The following ZC2HC1B variants were observed in gnomAD, a reference collection of about 807,000 sequenced individuals.
ZC2HC1B encodes the protein zinc finger C2HC domain-containing protein 1B.
A neutral mutation model predicts 31.0 loss-of-function variants in ZC2HC1B; 36 were observed. The observed-to-expected ratio is 1.16, with a 90% CI of 0.89 to 1.54. The LOEUF is 1.54. ZC2HC1B is among the 40% of genes most tolerant of loss of function. ZC2HC1B has a pLI of 0.00. For synonymous variants in ZC2HC1B, 73 were observed against 88.0 expected, an observed-to-expected ratio of 0.83 and a Z score of 0.95; for missense variants, 260 against 268.6, an observed-to-expected ratio of 0.97 and a Z score of 0.22.
chr6:143,924,370 A>G lies in ZC2HC1B; in HGVS notation c.599-13279A>G, dbSNP rs925755462. Among the ~76,000 whole-genome samples, 2 of 151,094 alleles carry G rather than the reference A, an allele frequency of 1.3e-5. No homozygotes were observed. Among genetic ancestry groups the G allele is most frequent in the African/African-American group, 4.9e-5 (2 of 41,196 alleles). On this transcript the variant is annotated intron_variant, in intron 6 of 7. Transcript: ENST00000237275. The surrounding 1 kb of genome is among the most constrained non-coding windows in gnomAD (Gnocchi z 5.2). ...GGTTTTATATATATATATATGTATT[A>G]CATATATATATCCATGTATATATAA...
chr6:143,936,502 A>C (rs10484817), intron 6 of ZC2HC1B, among the ~76,000 whole-genome samples: 5,247 of 152,324 alleles, frequency 0.034, 118 homozygotes, highest in South Asian at 0.11. Flanking sequence ...TCGCATTCCT[A>C]AAAGATTCTA....
In ZC2HC1B at chr6:143,895,547, T is replaced by G. The variant is rs1194468076; in HGVS notation, c.350-3005T>G. Reference sequence around the variant, plus strand: ...TGAATGTGCCAGTAATTTCCCTTTTTTCCTCAGCATGATTCCCTATTTTCA... The same window carrying G: ...TGAATGTGCCAGTAATTTCCCTTTTGTCCTCAGCATGATTCCCTATTTTCA... On this transcript the variant is annotated intron_variant, in intron 4 of 7. Transcript: ENST00000237275. This position sits in a 1 kb window ranked among gnomAD's most constrained non-coding sequence, Gnocchi z 4.8. Among the ~76,000 whole-genome samples, 1 of 152,214 alleles carries G rather than the reference T, an allele frequency of 6.6e-6. No individual in the cohort carries two copies. The highest frequency in any genetic ancestry group is 2.4e-5 in the African/African-American group (1 of 41,460).
chr6:143,926,828 C>CTTT (rs774028763), intron 6 of ZC2HC1B, among the ~76,000 whole-genome samples: 32 of 78,822 alleles, frequency 4.1e-4, no homozygotes, highest in Non-Finnish European at 5.4e-4. Context: ...ATTGTATCTT[C>CTTT]TTTTTTTTTT....
chr6:143,909,451 GA>G (rs1223518482), intron 6 of ZC2HC1B, among the ~76,000 whole-genome samples: 1 of 150,794 alleles, frequency 6.6e-6, no homozygotes, highest in African/African-American at 2.4e-5. Context: ...CAATTTTTTG[GA>G]ATAGTTTCAG....
chr6:143,877,475 G>C (rs1415256159), intron 1 of ZC2HC1B, among the ~76,000 whole-genome samples: 1 of 148,146 alleles, frequency 6.8e-6, no homozygotes, highest in Non-Finnish European at 1.5e-5. Flanking sequence ...TAGAGACAGG[G>C]TTTCTCCATG....
At chr6:143,909,641 G>T (rs968518719) in intron 6 of ZC2HC1B, among the ~76,000 whole-genome samples, 27 of 151,642 alleles carry the variant, frequency 1.8e-4, no homozygotes, top group Admixed American at 1.8e-3. Context: ...GTCTTGGGAG[G>T]ATGTATGTGT....
chr6:143,900,181 G>A (rs1469706318), intron 5 of ZC2HC1B, among the ~76,000 whole-genome samples: 3 of 152,178 alleles, frequency 2.0e-5, no homozygotes, highest in South Asian at 4.2e-4. Context: ...CCTGAGGTAG[G>A]GAGTTTGAGA....
Position 143,913,977 on chromosome 6 carries a change from C to T in ZC2HC1B, c.598+10825C>T, listed in dbSNP as rs951819438. Reference sequence around the variant, plus strand: ...GCTGTGGACCACAGCTGCTTCTAATCGGCCATCTTGGCCCCTCTCCCAATG... The same window carrying T: ...GCTGTGGACCACAGCTGCTTCTAATTGGCCATCTTGGCCCCTCTCCCAATG... On this transcript the variant is annotated intron_variant, in intron 6 of 7. Coordinates refer to ENST00000237275, the MANE Select transcript of ZC2HC1B (RefSeq NM_001013623.3). This position sits in a 1 kb window ranked among gnomAD's most constrained non-coding sequence, Gnocchi z 5.7. 1.3e-5 allele frequency among the ~76,000 whole-genome samples: 2 copies of T among 152,222 alleles called. No homozygotes were observed. The highest frequency in any genetic ancestry group is 2.4e-5 in the African/African-American group (1 of 41,460).
At chr6:143,882,333 T>TA (rs61614105) in intron 1 of ZC2HC1B, among the ~76,000 whole-genome samples, 9,463 of 98,868 alleles carry the variant, frequency 0.096, 415 homozygotes, top group South Asian at 0.13. Context: ...TTTTATATTT[T>TA]TTATATATAT....
At chr6:143,914,402 T>G (rs1489757252) in intron 6 of ZC2HC1B, among the ~76,000 whole-genome samples, 1 of 152,234 alleles carries the variant, frequency 6.6e-6, no homozygotes, top group East Asian at 1.9e-4. Flanking sequence ...ATAGTTTTAT[T>G]TCTGCTTTAT....
At position 143,899,774 on chromosome 6, in the gene ZC2HC1B, G is replaced by A. The variant is rs567993308; in HGVS notation, c.489+1083G>A. Among the ~76,000 whole-genome samples, 253 of 152,326 alleles carry A rather than the reference G, an allele frequency of 1.7e-3. 1 individual carries two copies. Among genetic ancestry groups the A allele is most frequent in the African/African-American group, 4.4e-3 (183 of 41,572 alleles). ...ATCCCACAGACTGTGGATCCTGAGC[G>A]CTATCCCCTTAAGCATTAGAAGGTT... On this transcript the variant is annotated intron_variant, in intron 5 of 7. Transcript: ENST00000237275. The surrounding 1 kb of genome is among the most constrained non-coding windows in gnomAD (Gnocchi z 5.0).
rs1165269569 is a variant in ZC2HC1B at position 143,868,893 on chromosome 6, AAGT to A, written c.28+4328_28+4330del. The stretch of plus-strand genomic sequence containing the variant: ...ATCTTATGTCACATGATGAAGGAAA[AAGT>A]AAATAAAATGAAGATATCTTCTTAG... On this transcript the variant is annotated intron_variant, in intron 1 of 7. Transcript: ENST00000237275. The surrounding 1 kb of genome is among the most constrained non-coding windows in gnomAD (Gnocchi z 4.2). Among the ~76,000 whole-genome samples, 1 of 152,240 alleles carries A rather than the reference AAGT, an allele frequency of 6.6e-6. No homozygotes were observed. The highest frequency in any genetic ancestry group is 6.5e-5 in the Admixed American group (1 of 15,288).
chr6:143,900,591 G>A (rs1777725980), intron 5 of ZC2HC1B, among the ~76,000 whole-genome samples: 2 of 151,544 alleles, frequency 1.3e-5, no homozygotes, highest in Admixed American at 1.3e-4. Flanking sequence ...TGATTAACAG[G>A]TCCTTGAATG....
chr6:143,912,376 T>G (rs1283881235), intron 6 of ZC2HC1B, among the ~76,000 whole-genome samples: 1 of 152,240 alleles, frequency 6.6e-6, no homozygotes, highest in Non-Finnish European at 1.5e-5. Flanking sequence ...GTTTTTGCAT[T>G]GCTTCTTTCT....
intron 4 of ZC2HC1B, among the ~76,000 whole-genome samples, chr6:143,890,411 A>C (rs1055430825): frequency 4.6e-5 from 7 of 151,822 alleles, no homozygotes; most frequent in African/African-American, 1.7e-4. Flanking sequence ...AAAAAAAAAA[A>C]AAAACTTCTC....
chr6:143,884,395 T>C lies in ZC2HC1B; in HGVS notation c.90+30T>C. 1.3e-6 allele frequency: 2 copies of C among 1,519,116 alleles called. No individual in the cohort carries two copies. The highest frequency in any genetic ancestry group is 1.8e-6 in the Non-Finnish European group (2 of 1,122,256). 94.1% of individuals were successfully genotyped at this position (1,519,116 alleles called of 1,614,324 possible). A position where few individuals can be genotyped will look rare whatever the true frequency, so the allele number is the denominator to read the frequency against. On this transcript the variant is annotated intron_variant, in intron 2 of 7. Transcript: ENST00000237275. This position sits in a 1 kb window ranked among gnomAD's most constrained non-coding sequence, Gnocchi z 5.1. ...ACATAAAGACATTTTGTAGATGTGT[T>C]TCATTGGACTTAAATGAACTGTCAA...
At position 143,883,078 on chromosome 6, in the gene ZC2HC1B, C is replaced by G. The variant is rs1308116794; in HGVS notation, c.29-1226C>G. ...TGGGGGAGACAGGATCTTGCTCTGT[C>G]TCCCAGGCTGGAGTGCAGTGTTATG... On this transcript the variant is annotated intron_variant, in intron 1 of 7. Coordinates refer to ENST00000237275, the MANE Select transcript of ZC2HC1B (RefSeq NM_001013623.3). The surrounding 1 kb of genome is among the most constrained non-coding windows in gnomAD (Gnocchi z 4.1). Among the ~76,000 whole-genome samples the G allele has an allele frequency of 1.3e-5, 2 of 152,174 alleles. No individual in the cohort carries two copies. The highest frequency in any genetic ancestry group is 2.9e-5 in the Non-Finnish European group (2 of 68,032).
In ZC2HC1B at chr6:143,923,516, A is replaced by AT. The variant is rs1276027913; in HGVS notation, c.599-14127dup. On this transcript the variant is annotated intron_variant, in intron 6 of 7. Transcript: ENST00000237275. This position sits in a 1 kb window ranked among gnomAD's most constrained non-coding sequence, Gnocchi z 4.8. ...TGTGCTTTTGAAGTCATGGCCACAA[A>AT]TTTTTTGCCTAGACCAATGTCTGAG... 6.6e-6 allele frequency among the ~76,000 whole-genome samples: 1 copy of AT among 151,992 alleles called. No homozygotes were observed. The highest frequency in any genetic ancestry group is 1.5e-5 in the Non-Finnish European group (1 of 67,932).
intron 1 of ZC2HC1B, among the ~76,000 whole-genome samples, chr6:143,866,123 T>C (rs905533769): frequency 2.0e-5 from 3 of 152,204 alleles, no homozygotes; most frequent in Admixed American, 1.3e-4. Context: ...GCCCACCTAT[T>C]TTGTTTAAGC....
Sources: gnomAD v4.1 joint callset for allele counts (sites outside exome capture counted in the v4.1 genomes callset) on GRCh38, gnomAD v4.1.1 for gene constraint, Gnocchi (gnomAD v3.1) non-coding constraint, MANE v1.5 for transcripts, NCBI Gene and HGNC (gene_info 2026-07-23, HGNC 2026-07-21) for gene names.